The following RPSA2 variants were observed in gnomAD, a reference collection of about 807,000 sequenced individuals.
RPSA2 encodes small ribosomal subunit protein uS2B.
At chr19:23,857,781 C>T in the RPSA2 span, among the ~76,000 whole-genome samples, 3 of 152,082 alleles carry the variant, frequency 2.0e-5, no homozygotes, top group African/African-American at 7.2e-5. Context: ...AGGAGTGAGC[C>T]ACTGCACCTG....
At chr19:23,758,885 G>T in the RPSA2 span, 1 of 1,228,928 alleles carries the variant, frequency 8.1e-7, no homozygotes, top group Non-Finnish European at 1.2e-6. Flanking sequence ...GGGCTGAAGG[G>T]AGAGACAAAG....
At chr19:23,761,903 T>TCCTTCCTTCCTTCCCTTCCTTCCTTC in the RPSA2 span, among the ~76,000 whole-genome samples, 3 of 35,594 alleles carry the variant, frequency 8.4e-5, no homozygotes, top group African/African-American at 3.1e-4. Context: ...GTAACGTAAT[T>TCCTTCCTTCCTTCCCTTCCTTCCTTC]CTTTCTTTCT....
chr19:23,853,866 G>T, the RPSA2 span, among the ~76,000 whole-genome samples: 67 of 152,180 alleles, frequency 4.4e-4, no homozygotes, highest in Non-Finnish European at 9.1e-4. Context: ...ACACCTACTA[G>T]TCCCATGTTA....
chr19:23,854,533 G>A, the RPSA2 span, among the ~76,000 whole-genome samples: 2 of 152,150 alleles, frequency 1.3e-5, no homozygotes, highest in East Asian at 3.9e-4. Context: ...CCTGGGACTG[G>A]CCCTGCTTTC....
chr19:23,854,324 T>C, the RPSA2 span, among the ~76,000 whole-genome samples: 1 of 152,228 alleles, frequency 6.6e-6, no homozygotes, highest in East Asian at 1.9e-4. Context: ...AGGTAGTAAA[T>C]TTAGAGGAAT....
chr19:23,823,756 A>G, the RPSA2 span: 3 of 152,118 alleles, frequency 2.0e-5, no homozygotes, highest in Non-Finnish European at 4.4e-5. Context: ...CCTGTAGTGC[A>G]CTGTTCCTGG....
chr19:23,807,147 C>A, the RPSA2 span, among the ~76,000 whole-genome samples: 2 of 152,102 alleles, frequency 1.3e-5, no homozygotes, highest in African/African-American at 4.8e-5. Flanking sequence ...TGTCCATACA[C>A]CATCACATTT....
chr19:23,796,367 T>G, the RPSA2 span, among the ~76,000 whole-genome samples: 1 of 152,098 alleles, frequency 6.6e-6, no homozygotes, highest in East Asian at 1.9e-4. Flanking sequence ...TAAATTTGGT[T>G]TGTCAGTATT....
the RPSA2 span, among the ~76,000 whole-genome samples, chr19:23,791,957 G>A: frequency 0.043 from 6,466 of 152,076 alleles, 195 homozygotes; most frequent in South Asian, 0.14. Context: ...CCTGGCCTCA[G>A]GTGATCCACC....
chr19:23,844,145 G>A, the RPSA2 span, among the ~76,000 whole-genome samples: 1 of 152,110 alleles, frequency 6.6e-6, no homozygotes. Flanking sequence ...CCTGTTTGTG[G>A]GGGCTATTTA....
At chr19:23,854,336 G>A in the RPSA2 span, among the ~76,000 whole-genome samples, 1 of 152,200 alleles carries the variant, frequency 6.6e-6, no homozygotes, top group Non-Finnish European at 1.5e-5. Context: ...TAGAGGAATG[G>A]TACTACAGAG....
chr19:23,835,337 A>T, the RPSA2 span, among the ~76,000 whole-genome samples: 9 of 149,412 alleles, frequency 6.0e-5, no homozygotes, highest in African/African-American at 2.2e-4. Context: ...TAAATAAATT[A>T]TGGAGTAAGT....
At chr19:23,861,038 A>C in the RPSA2 span, among the ~76,000 whole-genome samples, 2 of 152,336 alleles carry the variant, frequency 1.3e-5, no homozygotes, top group African/African-American at 4.8e-5. Context: ...ACAACAAAGA[A>C]ATAATACCTT....
At chr19:23,870,667 T>C in the RPSA2 span, among the ~76,000 whole-genome samples, 26 of 152,218 alleles carry the variant, frequency 1.7e-4, no homozygotes, top group Non-Finnish European at 3.5e-4. Context: ...TATATAGTTC[T>C]GGGAATAATG....
At chr19:23,762,394 G>A in the RPSA2 span, among the ~76,000 whole-genome samples, 101 of 151,938 alleles carry the variant, frequency 6.6e-4, no homozygotes, top group African/African-American at 2.1e-3. Flanking sequence ...TGTCCAAATG[G>A]GCAGGGCGCG....
chr19:23,799,779 G>C, the RPSA2 span, among the ~76,000 whole-genome samples: 1 of 152,070 alleles, frequency 6.6e-6, no homozygotes, highest in Non-Finnish European at 1.5e-5. Flanking sequence ...TCAAGTTGCA[G>C]AACTATCTTG....
the RPSA2 span, among the ~76,000 whole-genome samples, chr19:23,840,962 CAAAAAAAAAAAA>C: frequency 8.5e-6 from 1 of 117,750 alleles, no homozygotes; most frequent in South Asian, 2.9e-4. Flanking sequence ...AACTCCGTCT[CAAAAAAAAAAAA>C]AAAAAAAAAA....
At chr19:23,817,226 T>C in the RPSA2 span, among the ~76,000 whole-genome samples, 1 of 151,916 alleles carries the variant, frequency 6.6e-6, no homozygotes, top group African/African-American at 2.4e-5. Context: ...TACTAAATAA[T>C]ACAAAATTAG....
At chr19:23,775,152 G>T in the RPSA2 span, among the ~76,000 whole-genome samples, 1 of 152,180 alleles carries the variant, frequency 6.6e-6, no homozygotes, top group Non-Finnish European at 1.5e-5. Context: ...GTCCTAACAG[G>T]TTGCAGAAAA....
Sources: gnomAD v4.1 joint callset for allele counts (sites outside exome capture counted in the v4.1 genomes callset) on GRCh38, gnomAD v4.1.1 for gene constraint, MANE v1.5 for transcripts, NCBI Gene and HGNC (gene_info 2026-07-23, HGNC 2026-07-21) for gene names.